TTC31: variants seen among roughly 807,000 people sequenced by gnomAD.
The protein encoded by TTC31 is tetratricopeptide repeat protein 31.
TTC31 carries 59 observed loss-of-function variants against 60.4 expected under a neutral mutation model. The ratio of observed to expected loss-of-function variants is 0.98; its 90% CI spans 0.79 to 1.21. The LOEUF (loss-of-function observed/expected upper bound fraction) is 1.21, where lower values mean the gene tolerates loss of function less well. Among genes scored for constraint, TTC31 ranks in the 50% most tolerant of loss-of-function variants. The pLI is 0.00. For missense variants in TTC31, 672 were observed against 646.9 expected (o/e 1.04, Z -0.42); for synonymous variants, 225 against 249.6 (o/e 0.90, Z 0.93).
In TTC31 at chr2:74,492,411, T is replaced by C; in HGVS notation, c.1127T>C (p.Leu376Pro). 1 of 1,523,920 alleles carries C rather than the reference T, an allele frequency of 6.6e-7. No homozygotes were observed. Among genetic ancestry groups the C allele is most frequent in the South Asian group, 1.3e-5 (1 of 75,682 alleles). The allele number at this position is 1,523,920 out of a possible 1,614,324, so 94.4% of individuals were successfully genotyped here. Residue 376 changes from leucine (L) to proline (P), a missense_variant, in exon 11 of 13, where the codon CTC (leucine) becomes CCC (proline). Leu to Pro is a moderately conservative substitution (Grantham distance 98). Transcript: ENST00000233623. The stretch of plus-strand genomic sequence containing the variant: ...CTACGGCCTGGCTGGCCCCGGGGCC[T>C]CTTCCGCCTGGGCAAGGCCTTGATG... ...LTLRPGWPRG[L>P]FRLGKALMGL...
At chr2:74,486,391 A>G (rs1278056599) in intron 2 of TTC31, among the ~76,000 whole-genome samples, 1 of 152,184 alleles carries the variant, frequency 6.6e-6, no homozygotes, top group Non-Finnish European at 1.5e-5. Flanking sequence ...AATACCACCT[A>G]TGTACTAGAT....
At position 74,490,114 on chromosome 2, in the gene TTC31, G is replaced by C. The variant is rs781040752; in HGVS notation, c.219G>C (p.Gln73His). 4 of 1,597,668 alleles carry C rather than the reference G, an allele frequency of 2.5e-6. No homozygotes were observed. The highest frequency in any genetic ancestry group is 3.4e-6 in the Non-Finnish European group (4 of 1,171,994). Reference protein sequence around the residue: ...IHVDGSSGRLQLWHHDYLLGH... With the variant: ...IHVDGSSGRLHLWHHDYLLGH... ...TGGATGGGAGCAGCGGGCGGCTGCA[G>C]CTGTGGCACCATGGTGGGGAGTGCA... is the stretch of plus-strand genomic sequence containing the variant. The change falls in exon 3 of 13, where the codon CAG (glutamine) becomes CAC (histidine). Residue 73 changes from glutamine (Q) to histidine (H), a missense_variant. Coordinates refer to ENST00000233623, the MANE Select transcript of TTC31 (RefSeq NM_022492.6).
intron 1 of TTC31, 34 bp from the exon 2 acceptor site, chr2:74,483,288 C>A: frequency 6.2e-7 from 1 of 1,613,512 alleles, no homozygotes; most frequent in Non-Finnish European, 8.5e-7. Flanking sequence ...CTGTCCCGAG[C>A]CCGCTGACGA....
chr2:74,490,333 G>A lies in TTC31; in HGVS notation c.322G>A (p.Gly108Ser). ...KGAEGLGTYCGLRKSFLYPPQ... is the reference protein window; with the variant it reads ...KGAEGLGTYCSLRKSFLYPPQ... Reference sequence around the variant, plus strand: ...GGCTGAGGGACTGGGCACCTACTGTGGTCTCCGCAAGTCCTTCCTGTATCC... The same window carrying A: ...GGCTGAGGGACTGGGCACCTACTGTAGTCTCCGCAAGTCCTTCCTGTATCC... The change falls in exon 4 of 13, where the codon GGT becomes AGT. Residue 108 changes from glycine to serine, a missense_variant. By Grantham distance (56) the Gly-to-Ser change is moderately conservative. Coordinates refer to ENST00000233623, the MANE Select transcript of TTC31 (RefSeq NM_022492.6). The A allele has an allele frequency of 6.2e-7, 1 of 1,614,076 alleles. No homozygotes were observed. Among genetic ancestry groups the A allele is most frequent in the Non-Finnish European group, 8.5e-7 (1 of 1,179,980 alleles).
chr2:74,488,385 TA>T (rs1673393731), intron 2 of TTC31, among the ~76,000 whole-genome samples: 1 of 152,202 alleles, frequency 6.6e-6, no homozygotes, highest in African/African-American at 2.4e-5. Flanking sequence ...TCTAACTCAA[TA>T]AGTCCAAAAG....
Position 74,490,018 on chromosome 2 carries a change from C to G in TTC31, c.130-7C>G. The stretch of plus-strand genomic sequence containing the variant: ...CCAGCCTCCCCTCCCCTCCCCTCCC[C>G]TCCCAGGACATAGTGGATTTTCTTC... On this transcript the variant is annotated splice_region_variant and splice_polypyrimidine_tract_variant and intron_variant, in intron 2 of 12. Coordinates refer to ENST00000233623, the MANE Select transcript of TTC31 (RefSeq NM_022492.6). The G allele has an allele frequency of 1.3e-6, 2 of 1,548,860 alleles. No individual in the cohort carries two copies. Among genetic ancestry groups the G allele is most frequent in the South Asian group, 1.2e-5 (1 of 84,158 alleles).
At chr2:74,486,481 A>C (rs1673120379) in intron 2 of TTC31, among the ~76,000 whole-genome samples, 2 of 152,248 alleles carry the variant, frequency 1.3e-5, no homozygotes, top group African/African-American at 4.8e-5. Flanking sequence ...GCATCTAATG[A>C]GGGCAACCAG....
chr2:74,491,415 T>TTCCTCC, intron 7 of TTC31, 40 bp downstream of exon 7: 1 of 1,613,332 alleles, frequency 6.2e-7, no homozygotes. Flanking sequence ...TCTGCTCATT[T>TTCCTCC]TCCTCCTCCT....
At chr2:74,486,036 T>C (rs1673071247) in intron 2 of TTC31, among the ~76,000 whole-genome samples, 1 of 151,804 alleles carries the variant, frequency 6.6e-6, no homozygotes, top group East Asian at 2.0e-4. Context: ...GGGAGGTTGA[T>C]GCAGGCGGAT....
rs547160929 is a variant in TTC31 at position 74,493,436 on chromosome 2, G to A, written c.*218G>A. 30 of 548,256 alleles carry A rather than the reference G, an allele frequency of 5.5e-5. No individual in the cohort carries two copies. The highest frequency in any genetic ancestry group is 5.3e-4 in the African/African-American group (28 of 52,796). 34.0% of individuals were successfully genotyped at this position (548,256 alleles called of 1,614,324 possible). On this transcript the variant is annotated 3_prime_UTR_variant, in exon 13 of 13. Coordinates refer to ENST00000233623, the MANE Select transcript of TTC31 (RefSeq NM_022492.6). ...CTTTGGTTCTCAAGCTTCTTCTGGA[G>A]GCAGTAAGGAAAAATAAAACCCACC...
chr2:74,483,630 G>A, intron 2 of TTC31: 1 of 1,403,784 alleles, frequency 7.1e-7, no homozygotes, highest in Non-Finnish European at 9.3e-7. Context: ...GGGTAGAATT[G>A]AGCAGACAAG....
rs768286943 is a variant in TTC31 at position 74,490,044 on chromosome 2, G to C, written c.149G>C (p.Arg50Pro). 6 of 1,562,032 alleles carry C rather than the reference G, an allele frequency of 3.8e-6. No homozygotes were observed. The highest frequency in any genetic ancestry group is 2.4e-5 in the East Asian group (1 of 42,486). ...YGEEDIVDFL[R>P]RLVESDPQGL... ...TCCCAGGACATAGTGGATTTTCTTC[G>C]ACGGCTTGTGGAGAGTGATCCCCAG... Residue 50 changes from arginine (R) to proline (P), a missense_variant, in exon 3 of 13, where the codon CGA becomes CCA. By Grantham distance (103) the Arg-to-Pro change is moderately radical. Coordinates refer to ENST00000233623, the MANE Select transcript of TTC31 (RefSeq NM_022492.6).
In TTC31 at chr2:74,493,222, G is replaced by A. The variant is rs1674147999; in HGVS notation, c.*4G>A. The A allele has an allele frequency of 6.2e-7, 1 of 1,613,614 alleles. No homozygotes were observed. The highest frequency in any genetic ancestry group is 1.7e-5 in the Admixed American group (1 of 59,984). ...GCATCTGTCTCAGGCCAGATGAGGG[G>A]GCACCGGTCCCTCATAGGGCAGGGC... On this transcript the variant is annotated 3_prime_UTR_variant, in exon 13 of 13. Transcript: ENST00000233623.
chr2:74,483,222 G>T, intron 1 of TTC31, 87 bp downstream of exon 1: 2 of 1,613,518 alleles, frequency 1.2e-6, no homozygotes, highest in Non-Finnish European at 1.7e-6. Flanking sequence ...GTTTCGAGTA[G>T]GATTTTATGC....
chr2:74,493,165 A>G lies in TTC31; in HGVS notation c.1507A>G (p.Lys503Glu), dbSNP rs1572968857. Residue 503 changes from lysine to glutamate, a missense_variant, in exon 13 of 13, where the codon AAG becomes GAG. Physicochemically the swap from Lys to Glu is moderately conservative, Grantham distance 56 (BLOSUM62 1). Coordinates refer to ENST00000233623, the MANE Select transcript of TTC31 (RefSeq NM_022492.6). ...TCCTCTCAAGCCCCAGGACCCTTCA[A>G]AGGGCTGGGACATCCTGGGACTTGG... ...PHPLKPQDPS[K>E]GWDILGLGLQ... 1 of 1,614,156 alleles carries G rather than the reference A, an allele frequency of 6.2e-7. No individual in the cohort carries two copies. Among genetic ancestry groups the G allele is most frequent in the Non-Finnish European group, 8.5e-7 (1 of 1,180,006 alleles).
intron 5 of TTC31, 188 bp downstream of exon 5, chr2:74,490,927 A>G (rs1351328133): frequency 4.5e-6 from 4 of 892,750 alleles, no homozygotes; most frequent in African/African-American, 1.7e-5. Flanking sequence ...CTGGAATCCT[A>G]CTGTGCTGCC....
intron 2 of TTC31, among the ~76,000 whole-genome samples, chr2:74,484,900 T>G (rs1285715311): frequency 6.6e-6 from 1 of 152,188 alleles, no homozygotes; most frequent in Admixed American, 6.5e-5. Context: ...ATTGGTTGCT[T>G]TTCTTCTAAT....
At position 74,493,045 on chromosome 2, in the gene TTC31, A is replaced by G; in HGVS notation, c.1387A>G (p.Arg463Gly). The G allele has an allele frequency of 6.2e-7, 1 of 1,614,036 alleles. No homozygotes were observed. Among genetic ancestry groups the G allele is most frequent in the East Asian group, 2.2e-5 (1 of 44,880 alleles). ...CAGGTGCCCTCGAAGCACTGCTTTGAGGTCCCCTGGCCTGTCTCCACTCTT... is the reference window on the plus strand; with the variant it reads ...CAGGTGCCCTCGAAGCACTGCTTTGGGGTCCCCTGGCCTGTCTCCACTCTT... ...SLRCPRSTAL[R>G]SPGLSPLLHY... Residue 463 changes from arginine to glycine, a missense_variant, in exon 13 of 13, where the codon AGG becomes GGG. By Grantham distance (125) the Arg-to-Gly change is moderately radical (BLOSUM62 -2). Coordinates refer to ENST00000233623, the MANE Select transcript of TTC31 (RefSeq NM_022492.6).
chr2:74,486,589 C>T (rs1673132061), intron 2 of TTC31, among the ~76,000 whole-genome samples: 1 of 152,136 alleles, frequency 6.6e-6, no homozygotes, highest in South Asian at 2.1e-4. Context: ...TGGGAAGTTT[C>T]TCCTTCTAAA....
Sources: allele counts gnomAD v4.1 joint callset (sites outside exome capture counted in the v4.1 genomes callset), GRCh38; gene constraint gnomAD v4.1.1; transcripts MANE v1.5; gene names NCBI Gene and HGNC (gene_info 2026-07-23, HGNC 2026-07-21).